IMMP1L: variants seen among roughly 807,000 people sequenced by gnomAD.
IMMP1L encodes mitochondrial inner membrane protease subunit 1.
Under a neutral mutation model 21.8 loss-of-function variants are expected in IMMP1L, and 24 were observed. The ratio of observed to expected loss-of-function variants is 1.10; its 90% confidence interval spans 0.80 to 1.55. The LOEUF (loss-of-function observed/expected upper bound fraction) is 1.55. IMMP1L is among the 40% of genes most tolerant of loss of function. IMMP1L has a pLI of 0.00. For missense variants in IMMP1L, 195 were observed against 200.7 expected (o/e 0.97, Z 0.17); for synonymous variants, 46 against 62.8 (o/e 0.73, Z 1.26).
chr11:31,501,631 A>C (rs1369880231), intron 1 of IMMP1L, among the ~76,000 whole-genome samples: 1 of 152,198 alleles, frequency 6.6e-6, no homozygotes, highest in Non-Finnish European at 1.5e-5. Context: ...AAATACATTT[A>C]GAAAAAGACA....
chr11:31,478,583 G>A (rs1954796103), intron 1 of IMMP1L, among the ~76,000 whole-genome samples: 1 of 152,064 alleles, frequency 6.6e-6, no homozygotes, highest in African/African-American at 2.4e-5. Flanking sequence ...GGAGTCACAG[G>A]GAGTAGTCAA....
chr11:31,491,758 G>A (rs1017542032), intron 1 of IMMP1L, among the ~76,000 whole-genome samples: 1 of 152,154 alleles, frequency 6.6e-6, no homozygotes, highest in African/African-American at 2.4e-5. Context: ...GTGACTAATG[G>A]GTCCAAATCA....
intron 1 of IMMP1L, among the ~76,000 whole-genome samples, chr11:31,473,979 T>C (rs1166477728): frequency 2.0e-5 from 3 of 152,204 alleles, no homozygotes; most frequent in Non-Finnish European, 4.4e-5. Flanking sequence ...TTTGTTCCGA[T>C]AGAGGAACAG....
chr11:31,444,471 TA>T (rs1408523418), intron 4 of IMMP1L, among the ~76,000 whole-genome samples: 2 of 152,140 alleles, frequency 1.3e-5, no homozygotes, highest in Admixed American at 1.3e-4. Flanking sequence ...CCAATATAAT[TA>T]AAAATGTACA....
At chr11:31,506,891 C>T (rs1160897757) in intron 1 of IMMP1L, among the ~76,000 whole-genome samples, 4 of 151,128 alleles carry the variant, frequency 2.6e-5, no homozygotes, top group South Asian at 2.1e-4. Context: ...ACCCAGGAGG[C>T]GGAGGTTGCA....
Position 31,432,470 on chromosome 11 carries a change from C to T in IMMP1L, c.*30G>A. On this transcript the variant is annotated 3_prime_UTR_variant, in exon 6 of 6. Coordinates refer to ENST00000532287, the MANE Select transcript of IMMP1L (RefSeq NM_001304274.2). Reference sequence around the variant, plus strand: ...GTAATAAATTCACATGAAAAGGAGACAATAATCAAGTCAAAAGAATAAATG... The same window carrying T: ...GTAATAAATTCACATGAAAAGGAGATAATAATCAAGTCAAAAGAATAAATG... 1.4e-6 allele frequency: 2 copies of T among 1,473,546 alleles called. No individual in the cohort carries two copies. The highest frequency in any genetic ancestry group is 1.9e-6 in the Non-Finnish European group (2 of 1,053,998). The allele number at this position is 1,473,546 out of a possible 1,614,324, so 91.3% of individuals were successfully genotyped here. A position where few individuals can be genotyped will look rare whatever the true frequency, so the allele number is the denominator to read the frequency against.
intron 4 of IMMP1L, among the ~76,000 whole-genome samples, chr11:31,443,005 T>C (rs1185742276): frequency 1.3e-5 from 2 of 152,208 alleles, no homozygotes; most frequent in Admixed American, 1.3e-4. Context: ...ATGATGAATG[T>C]ATATTAAAAA....
At chr11:31,438,137 C>T (rs191751556) in intron 4 of IMMP1L, among the ~76,000 whole-genome samples, 2 of 152,224 alleles carry the variant, frequency 1.3e-5, no homozygotes, top group Non-Finnish European at 2.9e-5. Context: ...AAATTACCAA[C>T]CTTTTTCAAA....
At chr11:31,492,435 T>C (rs1048100152) in intron 1 of IMMP1L, among the ~76,000 whole-genome samples, 1 of 152,182 alleles carries the variant, frequency 6.6e-6, no homozygotes, top group African/African-American at 2.4e-5. Flanking sequence ...ACTAAAACTT[T>C]CTCCATATGA....
intron 1 of IMMP1L, among the ~76,000 whole-genome samples, chr11:31,472,532 GA>G (rs1440607733): frequency 6.6e-6 from 1 of 152,164 alleles, no homozygotes; most frequent in Admixed American, 6.5e-5. Context: ...TGTGTGCTGT[GA>G]AAAAAATCTG....
At chr11:31,441,557 T>C (rs1334247443) in intron 4 of IMMP1L, among the ~76,000 whole-genome samples, 1 of 152,124 alleles carries the variant, frequency 6.6e-6, no homozygotes, top group Non-Finnish European at 1.5e-5. Flanking sequence ...AACACCTGAC[T>C]TTCCTGATAT....
chr11:31,502,954 A>C (rs1955668149), intron 1 of IMMP1L, among the ~76,000 whole-genome samples: 1 of 152,218 alleles, frequency 6.6e-6, no homozygotes. Flanking sequence ...ACCCTTGGAC[A>C]CATTTACCCT....
chr11:31,482,702 G>A (rs908270724), intron 1 of IMMP1L, among the ~76,000 whole-genome samples: 8 of 152,094 alleles, frequency 5.3e-5, no homozygotes, highest in South Asian at 2.1e-4. Flanking sequence ...GGAAAAAAAC[G>A]AGTGTTGGAA....
At chr11:31,436,214 G>GT (rs1157433251) in intron 4 of IMMP1L, among the ~76,000 whole-genome samples, 3 of 151,966 alleles carry the variant, frequency 2.0e-5, no homozygotes, top group Non-Finnish European at 4.4e-5. Context: ...AAAGTTTTTA[G>GT]TTTTTTATGC....
At chr11:31,485,591 C>T (rs780323054) in intron 1 of IMMP1L, among the ~76,000 whole-genome samples, 2 of 151,812 alleles carry the variant, frequency 1.3e-5, no homozygotes, top group Non-Finnish European at 3.0e-5. Flanking sequence ...GCAGATGTGA[C>T]AGAACCATAC....
chr11:31,507,123 C>CA (rs1955802561), intron 1 of IMMP1L, among the ~76,000 whole-genome samples: 1 of 150,994 alleles, frequency 6.6e-6, no homozygotes, highest in South Asian at 2.1e-4. Context: ...ACTAAAAATA[C>CA]AAAAAATCAG....
chr11:31,488,246 A>G (rs1244408087), intron 1 of IMMP1L: 1 of 152,188 alleles, frequency 6.6e-6, no homozygotes, highest in African/African-American at 2.4e-5. Flanking sequence ...GGAATCCTAA[A>G]GCAGGAAATC....
At chr11:31,451,416 T>C (rs1331426741) in intron 4 of IMMP1L, among the ~76,000 whole-genome samples, 3 of 152,176 alleles carry the variant, frequency 2.0e-5, no homozygotes, top group Non-Finnish European at 2.9e-5. Flanking sequence ...TAATGGATGG[T>C]AGCAGTGACA....
At chr11:31,440,098 C>T (rs1199162632) in intron 4 of IMMP1L, among the ~76,000 whole-genome samples, 3 of 152,166 alleles carry the variant, frequency 2.0e-5, no homozygotes, top group Admixed American at 6.5e-5. Context: ...CTTAAGCATA[C>T]CTGTACCCTA....
Sources: gnomAD v4.1 joint callset for allele counts (sites outside exome capture counted in the v4.1 genomes callset) on GRCh38, gnomAD v4.1.1 for gene constraint, MANE v1.5 for transcripts, NCBI Gene and HGNC (gene_info 2026-07-23, HGNC 2026-07-21) for gene names.